The following SLIT3 variants were observed in gnomAD, a reference collection of about 807,000 sequenced individuals.
SLIT3 encodes the protein slit homolog 3 protein.
In SLIT3, 68 loss-of-function variants were observed where a neutral mutation model predicts 184.0. The observed-to-expected ratio is 0.37, with a 90% CI of 0.30 to 0.45. The LOEUF (loss-of-function observed/expected upper bound fraction) is 0.45, where lower values mean the gene tolerates loss of function less well. Ranked by LOEUF, SLIT3 falls within the 20% of genes least tolerant of loss-of-function variation. The probability of loss-of-function intolerance (pLI) is 1.00; values close to 1 mark genes in which losing one functional copy is unlikely to be tolerated. For synonymous variants in SLIT3, 831 were observed against 828.6 expected (o/e 1.00, Z -0.05); for missense variants, 1,707 against 2,026.0 (o/e 0.84, Z 3.02).
At chr5:169,080,853 C>A (rs1759007590) in intron 4 of SLIT3, among the ~76,000 whole-genome samples, 1 of 152,188 alleles carries the variant, frequency 6.6e-6, no homozygotes, top group Non-Finnish European at 1.5e-5. Context: ...AACCACTGCT[C>A]TGGAGAGCAT....
At chr5:168,675,027 A>G (rs898678842) in intron 32 of SLIT3, among the ~76,000 whole-genome samples, 6 of 152,112 alleles carry the variant, frequency 3.9e-5, no homozygotes, top group Admixed American at 3.9e-4. Flanking sequence ...CAGGCAAGAG[A>G]CAGAATTTGT....
At chr5:169,061,649 G>T (rs1319732990) in intron 4 of SLIT3, among the ~76,000 whole-genome samples, 3 of 152,216 alleles carry the variant, frequency 2.0e-5, no homozygotes, top group African/African-American at 7.2e-5. Flanking sequence ...GAAGGTCCAG[G>T]CTAGCTTTGT....
chr5:169,154,890 G>A (rs1281635270), intron 4 of SLIT3, among the ~76,000 whole-genome samples: 2 of 152,184 alleles, frequency 1.3e-5, no homozygotes, highest in African/African-American at 4.8e-5. Flanking sequence ...TAAGCTCATC[G>A]AGGCTTTTCC....
At chr5:169,077,844 T>TAAA (rs57058518) in intron 4 of SLIT3, among the ~76,000 whole-genome samples, 15 of 115,852 alleles carry the variant, frequency 1.3e-4, no homozygotes, top group Admixed American at 6.1e-4. Context: ...CTTCAATTAC[T>TAAA]AAAAAAAAAA....
intron 4 of SLIT3, among the ~76,000 whole-genome samples, chr5:169,192,131 C>G (rs761171600): frequency 6.6e-5 from 10 of 152,150 alleles, no homozygotes; most frequent in Non-Finnish European, 1.5e-4. Context: ...GTTTATCCAG[C>G]TCTTCTGGAC....
Position 168,707,919 on chromosome 5 carries a change from C to T in SLIT3, c.2844+57G>A. 7 of 1,608,172 alleles carry T rather than the reference C, an allele frequency of 4.4e-6. No individual in the cohort carries two copies. The East Asian group carries it at 1.1e-4, about 26-fold the overall frequency. On this transcript the variant is annotated intron_variant, in intron 26 of 35. Coordinates refer to ENST00000519560, the MANE Select transcript of SLIT3 (RefSeq NM_003062.4). The stretch of plus-strand genomic sequence containing the variant: ...AGGGCATGGTGCCCCTCTCTAGGGC[C>T]AGGGCTGAAGGAGGAGCCTGAGGCA...
At chr5:169,077,844 T>TA (rs57058518) in intron 4 of SLIT3, among the ~76,000 whole-genome samples, 15,190 of 115,766 alleles carry the variant, frequency 0.13, 1,133 homozygotes, top group African/African-American at 0.24. Flanking sequence ...CTTCAATTAC[T>TA]AAAAAAAAAA....
intron 5 of SLIT3, among the ~76,000 whole-genome samples, chr5:168,882,632 T>A (rs1189581167): frequency 6.6e-6 from 1 of 152,168 alleles, no homozygotes; most frequent in Non-Finnish European, 1.5e-5. Context: ...GATGCTACCA[T>A]TGGAGGAAAC....
At chr5:169,297,097 T>C (rs1158263986) in intron 1 of SLIT3, among the ~76,000 whole-genome samples, 1 of 152,244 alleles carries the variant, frequency 6.6e-6, no homozygotes, top group Non-Finnish European at 1.5e-5. Context: ...CCATGGTAAA[T>C]GTTTGGTTTC....
intron 9 of SLIT3, among the ~76,000 whole-genome samples, chr5:168,805,657 C>T (rs1315379243): frequency 6.6e-6 from 1 of 152,152 alleles, no homozygotes; most frequent in African/African-American, 2.4e-5. Context: ...GAATTTTTGA[C>T]ATTCATGTAT....
rs148712893 is a variant in SLIT3, at chr5:169,028,059, C to T, written c.414-144723G>A. Among the ~76,000 whole-genome samples, 204 of 152,168 alleles carry T rather than the reference C, an allele frequency of 1.3e-3. 2 individuals carry two copies. Among genetic ancestry groups the T allele is most frequent in the Admixed American group, 7.2e-4 (11 of 15,284 alleles). On this transcript the variant is annotated intron_variant, in intron 4 of 35. Transcript: ENST00000519560. ...GGAAGCTGCCTCTGGTCAGAAACTA[C>T]GATAAGAAAGCATTCATTTTTAAGA... is the stretch of plus-strand genomic sequence containing the variant.
intron 4 of SLIT3, among the ~76,000 whole-genome samples, chr5:169,174,271 A>T (rs1762901716): frequency 6.6e-6 from 1 of 152,164 alleles, no homozygotes; most frequent in East Asian, 1.9e-4. Context: ...GTCAATGATA[A>T]TCCTGAGAGT....
intron 4 of SLIT3, among the ~76,000 whole-genome samples, chr5:169,131,247 T>A (rs958159255): frequency 6.6e-6 from 1 of 152,240 alleles, no homozygotes; most frequent in African/African-American, 2.4e-5. Context: ...GATTACTGAT[T>A]GTAAATTACA....
chr5:168,749,599 G>A lies in SLIT3; in HGVS notation c.2010C>T (p.His670=), dbSNP rs767741877. The A allele has an allele frequency of 8.7e-6, 14 of 1,614,102 alleles. No homozygotes were observed. The highest frequency in any genetic ancestry group is 5.3e-5 in the African/African-American group (4 of 74,932). ...LLSNPFNCNC[H]LAWLGKWLRK... The stretch of plus-strand genomic sequence containing the variant: ...TCAACCACTTGCCGAGCCAGGCCAG[G>A]TGGCAGTTGCAGTTGAAGGGGTTGG... Residue 670 remains histidine, a synonymous_variant, in exon 19 of 36, where the codon CAC becomes CAT. Transcript: ENST00000519560.
intron 2 of SLIT3, among the ~76,000 whole-genome samples, chr5:169,246,054 G>A (rs1308781534): frequency 1.3e-5 from 2 of 152,158 alleles, no homozygotes; most frequent in Non-Finnish European, 2.9e-5. Flanking sequence ...TAACTGTTTC[G>A]TTTGGGCTCG....
At chr5:168,820,953 T>TC (rs1159299810) in intron 7 of SLIT3, among the ~76,000 whole-genome samples, 2 of 151,126 alleles carry the variant, frequency 1.3e-5, no homozygotes, top group South Asian at 2.1e-4. Flanking sequence ...CCACCAGCCG[T>TC]CCCCCCCAAC....
intron 12 of SLIT3, among the ~76,000 whole-genome samples, chr5:168,778,708 AG>A (rs1185310124): frequency 6.6e-6 from 1 of 152,248 alleles, no homozygotes; most frequent in Non-Finnish European, 1.5e-5. Context: ...TGAGCAGGCC[AG>A]GGACAACCGT....
intron 3 of SLIT3, among the ~76,000 whole-genome samples, chr5:169,236,865 T>C (rs1468291945): frequency 6.6e-6 from 1 of 152,196 alleles, no homozygotes; most frequent in African/African-American, 2.4e-5. Flanking sequence ...TAAAAGTACC[T>C]ACAGTAGGCT....
intron 4 of SLIT3, among the ~76,000 whole-genome samples, chr5:168,954,779 A>T (rs1220949000): frequency 6.6e-6 from 1 of 152,200 alleles, no homozygotes; most frequent in Non-Finnish European, 1.5e-5. Context: ...TGGTAAACTG[A>T]TGAGTAAAGA....
Sources: gnomAD v4.1 joint callset for allele counts (sites outside exome capture counted in the v4.1 genomes callset) on GRCh38, gnomAD v4.1.1 for gene constraint, MANE v1.5 for transcripts, NCBI Gene and HGNC (gene_info 2026-07-23, HGNC 2026-07-21) for gene names.